CMPK2: variants seen among roughly 807,000 people sequenced by gnomAD.
CMPK2 encodes UMP-CMP kinase 2, mitochondrial.
Under a neutral mutation model 33.4 loss-of-function variants are expected in CMPK2, and 32 were observed. That is an observed-to-expected ratio of 0.96 (90% CI 0.72 to 1.29). The LOEUF is 1.29. Ranked by LOEUF, CMPK2 falls within the 50% of genes most tolerant of loss-of-function variation. The pLI, the probability that CMPK2 is intolerant of heterozygous loss-of-function variation, is 0.00. For synonymous variants in CMPK2, 299 were observed against 275.3 expected (o/e 1.09, Z -0.85); for missense variants, 672 against 616.0 (o/e 1.09, Z -0.96).
chr2:6,863,417 A>C (rs750770729), intron 2 of CMPK2, 47 bp downstream of exon 2: 1 of 1,488,520 alleles, frequency 6.7e-7, no homozygotes, highest in Non-Finnish European at 9.3e-7. Flanking sequence ...TTCTGCAACT[A>C]ATCAGTTAGT....
At chr2:6,856,360 G>A (rs1465195966) in intron 3 of CMPK2, among the ~76,000 whole-genome samples, 1 of 152,190 alleles carries the variant, frequency 6.6e-6, no homozygotes, top group Non-Finnish European at 1.5e-5. Flanking sequence ...TGGCAGTTGG[G>A]ACAGTTGCTA....
downstream of CMPK2, among the ~76,000 whole-genome samples, chr2:6,845,537 C>A (rs541750872): frequency 9.8e-5 from 15 of 152,290 alleles, no homozygotes; most frequent in East Asian, 2.9e-3. Context: ...ATCCTTCACC[C>A]ATGGATCCAG....
downstream of CMPK2, among the ~76,000 whole-genome samples, chr2:6,844,311 G>A (rs1264723792): frequency 6.6e-6 from 1 of 152,126 alleles, no homozygotes; most frequent in East Asian, 1.9e-4. Flanking sequence ...GTACTATCTG[G>A]ACCTATGGCC....
In CMPK2 at chr2:6,861,324, TG is replaced by T; in HGVS notation, c.851del (p.Pro284HisfsTer35). 6.2e-7 allele frequency: 1 copy of T among 1,614,116 alleles called. No homozygotes were observed. The highest frequency in any genetic ancestry group is 1.1e-5 in the South Asian group (1 of 91,080). ...TCCTCCACTGGCCAATGCAAGAGGGTGGTGACTTTAAGAGGACAGCCTTAAG... is the reference window on the plus strand; with the variant it reads ...TCCTCCACTGGCCAATGCAAGAGGGTGTGACTTTAAGAGGACAGCCTTAAG... ...DSLKAVLLKS[P>X]PSCIGQWRKI... On this transcript the variant is annotated frameshift_variant, in exon 3 of 5. Coordinates refer to ENST00000256722, the MANE Select transcript of CMPK2 (RefSeq NM_207315.4). LOFTEE classifies it high-confidence loss of function.
Position 6,849,010 on chromosome 2 carries a change from CAT to C in CMPK2, c.*838_*839del. On this transcript the variant is annotated 3_prime_UTR_variant, in exon 5 of 5. Coordinates refer to ENST00000256722, the MANE Select transcript of CMPK2 (RefSeq NM_207315.4). ...AATCATAGCTCCTATGCTGAGGAAACATATTATGTATAGATTAATATAAATAA... is the reference window on the plus strand; with the variant it reads ...AATCATAGCTCCTATGCTGAGGAAACATTATGTATAGATTAATATAAATAA... 1.0e-6 allele frequency: 1 copy of C among 983,412 alleles called. No homozygotes were observed. The highest frequency in any genetic ancestry group is 1.2e-6 in the Non-Finnish European group (1 of 827,798). 60.9% of individuals were successfully genotyped at this position (983,412 alleles called of 1,614,324 possible).
At chr2:6,851,286 T>A in intron 4 of CMPK2, 164 bp downstream of exon 4, 1 of 1,460,156 alleles carries the variant, frequency 6.8e-7, no homozygotes, top group Non-Finnish European at 9.1e-7. Flanking sequence ...AGCCCTGTGG[T>A]GACAAGCCCA....
chr2:6,851,828 A>C, intron 3 of CMPK2, 145 bp from the exon 4 acceptor site: 1 of 638,730 alleles, frequency 1.6e-6, no homozygotes. Flanking sequence ...ATTAAATTTT[A>C]TAAACTAAAA....
At chr2:6,842,931 T>C (rs1427851197) in intron 3 of CMPK2, among the ~76,000 whole-genome samples, 2 of 152,332 alleles carry the variant, frequency 1.3e-5, no homozygotes, top group East Asian at 1.9e-4. Flanking sequence ...AGCTGAACTT[T>C]AGATTTGGAA....
Position 6,849,597 on chromosome 2 carries a change from T to G in CMPK2, c.*253A>C, listed in dbSNP as rs532322199. ...AAGTGAAACATATGTTCCAAGAAAA[T>G]GTTTACTATGCCAGGAAGAAAGCAA... is the stretch of plus-strand genomic sequence containing the variant. On this transcript the variant is annotated 3_prime_UTR_variant, in exon 5 of 5. Transcript: ENST00000256722. The G allele has an allele frequency of 4.0e-6, 5 of 1,256,072 alleles. No homozygotes were observed. In the African/African-American group the frequency reaches 6.2e-5, roughly 16 times the overall value. 77.8% of individuals were successfully genotyped at this position (1,256,072 alleles called of 1,614,324 possible). A position where few individuals can be genotyped will look rare whatever the true frequency, so the allele number is the denominator to read the frequency against.
Position 6,849,810 on chromosome 2 carries a change from A to G in CMPK2, c.*40T>C, listed in dbSNP as rs746789485. On this transcript the variant is annotated 3_prime_UTR_variant, in exon 5 of 5. Coordinates refer to ENST00000256722, the MANE Select transcript of CMPK2 (RefSeq NM_207315.4). ...AATGGTGGATGTAGATGTTTCAAACAACATCTAATCTAGTTAGACGTGGCA... is the reference window on the plus strand; with the variant it reads ...AATGGTGGATGTAGATGTTTCAAACGACATCTAATCTAGTTAGACGTGGCA... 1 of 1,610,870 alleles carries G rather than the reference A, an allele frequency of 6.2e-7. No individual in the cohort carries two copies. The highest frequency in any genetic ancestry group is 1.1e-5 in the South Asian group (1 of 90,238).
downstream of CMPK2, among the ~76,000 whole-genome samples, chr2:6,845,297 A>G (rs149778567): frequency 1.4e-3 from 219 of 152,272 alleles, no homozygotes; most frequent in African/African-American, 5.0e-3. Flanking sequence ...TCAGAACCTC[A>G]GCATCAAAGG....
chr2:6,865,454 CG>C lies in CMPK2; in HGVS notation c.242del (p.Pro81ArgfsTer188). ...RSYSLCVPVT[P>X]DAGCGARVRA... Reference sequence around the variant, plus strand: ...GGACCCGGGCCCCGCAGCCGGCGTCCGGGGTCACGGGCACGCACAGCGAGTA... The same window carrying C: ...GGACCCGGGCCCCGCAGCCGGCGTCCGGGTCACGGGCACGCACAGCGAGTA... On this transcript the variant is annotated frameshift_variant, in exon 1 of 5. Coordinates refer to ENST00000256722, the MANE Select transcript of CMPK2 (RefSeq NM_207315.4). LOFTEE classifies it high-confidence loss of function. 1 of 1,277,608 alleles carries C rather than the reference CG, an allele frequency of 7.8e-7. No individual in the cohort carries two copies. Among genetic ancestry groups the C allele is most frequent in the South Asian group, 2.7e-5 (1 of 37,020 alleles). 79.1% of individuals were successfully genotyped at this position (1,277,608 alleles called of 1,614,324 possible).
intron 3 of CMPK2, among the ~76,000 whole-genome samples, chr2:6,860,664 A>G (rs995596310): frequency 6.6e-6 from 1 of 152,176 alleles, no homozygotes; most frequent in Non-Finnish European, 1.5e-5. Flanking sequence ...TAAATTGCCG[A>G]ATCTCGGGTA....
At chr2:6,851,762 A>G (rs1662533811) in intron 3 of CMPK2, 79 bp from the exon 4 acceptor site, 2 of 1,370,806 alleles carry the variant, frequency 1.5e-6, no homozygotes, top group African/African-American at 2.8e-5. Flanking sequence ...GCCAGGAATG[A>G]TGAAACCAGG....
intron 3 of CMPK2, among the ~76,000 whole-genome samples, chr2:6,842,624 C>A (rs534616451): frequency 7.2e-5 from 11 of 152,336 alleles, no homozygotes; most frequent in African/African-American, 2.6e-4. Context: ...TATGGAAAGA[C>A]TGAGGGTTGA....
At chr2:6,862,274 G>A (rs1572143596) in intron 2 of CMPK2, among the ~76,000 whole-genome samples, 1 of 152,280 alleles carries the variant, frequency 6.6e-6, no homozygotes, top group East Asian at 1.9e-4. Flanking sequence ...AATTCTCCCA[G>A]TGACCCTGCA....
At chr2:6,864,282 T>C (rs1170069629) in intron 1 of CMPK2, 1 of 152,234 alleles carries the variant, frequency 6.6e-6, no homozygotes, top group Non-Finnish European at 1.5e-5. Context: ...TTGCTCAAAG[T>C]GACACAGCTA....
chr2:6,848,251 A>G (rs181018760), downstream of CMPK2: 69 of 695,432 alleles, frequency 9.9e-5, no homozygotes, highest in Middle Eastern at 1.5e-3. Flanking sequence ...TTACATCACA[A>G]TATTAAAAGG....
chr2:6,865,243 C>A lies in CMPK2; in HGVS notation c.454G>T (p.Ala152Ser). The A allele has an allele frequency of 6.5e-7, 1 of 1,535,364 alleles. No individual in the cohort carries two copies. Residue 152 changes from alanine (A) to serine (S), a missense_variant, in exon 1 of 5, where the codon GCC becomes TCC. Coordinates refer to ENST00000256722, the MANE Select transcript of CMPK2 (RefSeq NM_207315.4). Reference protein sequence around the residue: ...TRQALLELLGACQEAPRPHLG... With the variant: ...TRQALLELLGSCQEAPRPHLG... ...TGCGGGCGTGGTGCCTCCTGACAGG[C>A]GCCCAGCAGCTCGAGCAGCGCTTGC...
Sources: allele counts gnomAD v4.1 joint callset (sites outside exome capture counted in the v4.1 genomes callset), GRCh38; gene constraint gnomAD v4.1.1; transcripts MANE v1.5; gene names NCBI Gene and HGNC (gene_info 2026-07-23, HGNC 2026-07-21).